RAB6B: variants seen among roughly 807,000 people sequenced by gnomAD.
RAB6B encodes the protein RAB6B, member RAS oncogene family, also known as ras-related protein Rab-6B.
A neutral mutation model predicts 31.2 loss-of-function variants in RAB6B; 7 were observed. The observed-to-expected ratio is 0.22, with a 90% CI of 0.13 to 0.42. The LOEUF (loss-of-function observed/expected upper bound fraction) is 0.42, where lower values mean the gene tolerates loss of function less well. Among genes scored for constraint, RAB6B ranks in the 10% least tolerant of loss-of-function variants. The pLI, the probability that RAB6B is intolerant of heterozygous loss-of-function variation, is 1.00. For synonymous variants in RAB6B, 105 were observed against 104.9 expected (o/e 1.00, Z -0.01); for missense variants, 149 against 280.6 (o/e 0.53, Z 3.35).
chr3:133,834,155 A>T (rs552009909), intron 7 of RAB6B, among the ~76,000 whole-genome samples: 2 of 152,016 alleles, frequency 1.3e-5, no homozygotes, highest in South Asian at 4.2e-4. Flanking sequence ...AGGAGGGGGC[A>T]TCTGTCTGAA....
At chr3:133,887,540 G>C (rs1468367067) in intron 1 of RAB6B, among the ~76,000 whole-genome samples, 2 of 152,198 alleles carry the variant, frequency 1.3e-5, no homozygotes, top group Non-Finnish European at 2.9e-5. Flanking sequence ...AGTGTTATTG[G>C]CTTGGCCTCA....
chr3:133,855,445 T>C (rs1936061517), intron 2 of RAB6B, among the ~76,000 whole-genome samples: 1 of 152,224 alleles, frequency 6.6e-6, no homozygotes, highest in Admixed American at 6.5e-5. Flanking sequence ...AAATATGTGA[T>C]TGCTCTTTTA....
At chr3:133,848,865 G>A (rs1341140086) in intron 2 of RAB6B, among the ~76,000 whole-genome samples, 5 of 151,936 alleles carry the variant, frequency 3.3e-5, no homozygotes, top group African/African-American at 1.2e-4. Flanking sequence ...CCATTGCACA[G>A]GGTTATTTTT....
At chr3:133,841,453 C>A in intron 3 of RAB6B, 63 bp from the exon 4 acceptor site, 2 of 1,578,766 alleles carry the variant, frequency 1.3e-6, no homozygotes, top group South Asian at 2.2e-5. Flanking sequence ...TCCTCCTGGT[C>A]CGGGGGACTG....
intron 1 of RAB6B, among the ~76,000 whole-genome samples, chr3:133,867,624 G>A (rs1020559759): frequency 3.9e-5 from 6 of 152,144 alleles, no homozygotes; most frequent in African/African-American, 7.2e-5. Flanking sequence ...CTGCTGTGGC[G>A]CTCCAGGGAA....
intron 2 of RAB6B, among the ~76,000 whole-genome samples, chr3:133,860,231 G>C (rs1287621535): frequency 6.6e-6 from 1 of 152,200 alleles, no homozygotes; most frequent in African/African-American, 2.4e-5. Context: ...TTGGACATAC[G>C]ATTAATTAAG....
intron 1 of RAB6B, among the ~76,000 whole-genome samples, chr3:133,881,117 C>T (rs2715630): frequency 0.19 from 28,931 of 152,118 alleles, 3,248 homozygotes; most frequent in African/African-American, 0.31. Flanking sequence ...TCAATGTCCA[C>T]ATATCCCCCA....
rs185774690 is a variant in RAB6B, at chr3:133,873,159, G to A, written c.71-8517C>T. On this transcript the variant is annotated intron_variant, in intron 1 of 7. Transcript: ENST00000285208. Reference sequence around the variant, plus strand: ...GTGCATCCTAAAGGATCCCATCCACGTAACAGTACATGGACAAGAGCAGAA... The same window carrying A: ...GTGCATCCTAAAGGATCCCATCCACATAACAGTACATGGACAAGAGCAGAA... Among the ~76,000 whole-genome samples, 48 of 152,332 alleles carry A rather than the reference G, an allele frequency of 3.2e-4. 1 individual carries two copies. The highest frequency in any genetic ancestry group is 9.9e-4 in the African/African-American group (41 of 41,586).
At chr3:133,877,308 G>GTA (rs1936410032) in intron 1 of RAB6B, among the ~76,000 whole-genome samples, 2 of 152,254 alleles carry the variant, frequency 1.3e-5, no homozygotes, top group African/African-American at 4.8e-5. Flanking sequence ...ATCAGCAAAT[G>GTA]TATATGAGGA....
At chr3:133,841,538 A>C (rs1340327196) in intron 3 of RAB6B, 72 bp downstream of exon 3, 16 of 1,572,090 alleles carry the variant, frequency 1.0e-5, no homozygotes, top group Non-Finnish European at 1.4e-5. Flanking sequence ...AGTGGTGCCC[A>C]GCTAAGGGTC....
intron 1 of RAB6B, among the ~76,000 whole-genome samples, chr3:133,893,618 A>G (rs916666924): frequency 1.3e-5 from 2 of 152,200 alleles, no homozygotes; most frequent in African/African-American, 4.8e-5. Context: ...AGAACCTACC[A>G]GGGGCCAGGC....
chr3:133,893,547 T>A (rs531346193), intron 1 of RAB6B, among the ~76,000 whole-genome samples: 15 of 152,328 alleles, frequency 9.8e-5, no homozygotes, highest in African/African-American at 3.4e-4. Flanking sequence ...CAGAGACACT[T>A]TCTTCACCAA....
chr3:133,878,315 A>C (rs1309229820), intron 1 of RAB6B, among the ~76,000 whole-genome samples: 4 of 152,236 alleles, frequency 2.6e-5, no homozygotes, highest in Admixed American at 2.6e-4. Flanking sequence ...ATGTACAGAG[A>C]AACAAACATA....
intron 2 of RAB6B, among the ~76,000 whole-genome samples, chr3:133,856,770 C>CTTT (rs1936084736): frequency 6.6e-6 from 1 of 151,898 alleles, no homozygotes; most frequent in Non-Finnish European, 1.5e-5. Flanking sequence ...GGAGTATCTT[C>CTTT]TGCCGGGTCA....
intron 7 of RAB6B, among the ~76,000 whole-genome samples, chr3:133,833,389 G>A (rs563476848): frequency 6.6e-6 from 1 of 152,210 alleles, no homozygotes; most frequent in East Asian, 1.9e-4. Context: ...CACACAGACC[G>A]TGGGACTGCT....
intron 2 of RAB6B, among the ~76,000 whole-genome samples, chr3:133,855,681 A>G (rs1936065228): frequency 1.3e-5 from 2 of 152,150 alleles, no homozygotes; most frequent in African/African-American, 4.8e-5. Context: ...TTTTGAGGGC[A>G]TCTAAGAACT....
In RAB6B at chr3:133,828,578, A is replaced by G; in HGVS notation, c.*210T>C. ...AGTACAATATATTACAACCAAACCA[A>G]AAAATAGTTGTTTAAGTAACAGCCG... On this transcript the variant is annotated 3_prime_UTR_variant, in exon 8 of 8. Coordinates refer to ENST00000285208, the MANE Select transcript of RAB6B (RefSeq NM_016577.4). 1 of 637,650 alleles carries G rather than the reference A, an allele frequency of 1.6e-6. No individual in the cohort carries two copies. The highest frequency in any genetic ancestry group is 2.8e-6 in the Non-Finnish European group (1 of 360,178). The allele number at this position is 637,650 out of a possible 1,614,324, so 39.5% of individuals were successfully genotyped here.
At chr3:133,840,198 G>A (rs925672087) in intron 4 of RAB6B, among the ~76,000 whole-genome samples, 13 of 152,050 alleles carry the variant, frequency 8.5e-5, no homozygotes, top group Admixed American at 2.6e-4. Flanking sequence ...AGGTGGCCCC[G>A]GGACTAGTCA....
intron 1 of RAB6B, among the ~76,000 whole-genome samples, chr3:133,894,067 C>T (rs534926959): frequency 6.6e-6 from 1 of 152,254 alleles, no homozygotes; most frequent in Non-Finnish European, 1.5e-5. Flanking sequence ...GAGCCAGCCA[C>T]GTGACCTCCA....
Sources: allele counts gnomAD v4.1 joint callset (sites outside exome capture counted in the v4.1 genomes callset), GRCh38; gene constraint gnomAD v4.1.1; transcripts MANE v1.5; gene names NCBI Gene and HGNC (gene_info 2026-07-23, HGNC 2026-07-21).